LHFPL6: variants seen among roughly 807,000 people sequenced by gnomAD.
The protein encoded by LHFPL6 is LHFPL tetraspan subfamily member 6 protein.
In LHFPL6, 9 loss-of-function variants were observed where a neutral mutation model predicts 20.6. The observed-to-expected ratio is 0.44, with a 90% CI of 0.26 to 0.76. The LOEUF is 0.76. Ranked by LOEUF, LHFPL6 falls within the 30% of genes least tolerant of loss-of-function variation. LHFPL6 has a pLI of 0.20. For missense variants in LHFPL6, 218 were observed against 253.5 expected (o/e 0.86, Z 0.95); for synonymous variants, 105 against 98.7 (o/e 1.06, Z -0.38).
chr13:39,364,418 C>A (rs999650588), intron 3 of LHFPL6, among the ~76,000 whole-genome samples: 1 of 152,164 alleles, frequency 6.6e-6, no homozygotes, highest in African/African-American at 2.4e-5. Flanking sequence ...CCCTGTGTCA[C>A]CCCATCCTGA....
intron 2 of LHFPL6, among the ~76,000 whole-genome samples, chr13:39,526,573 C>A (rs1870293864): frequency 6.6e-6 from 1 of 152,238 alleles, no homozygotes; most frequent in Admixed American, 6.5e-5. Flanking sequence ...TTCCACCGGT[C>A]TAGTGCTCTG....
At chr13:39,559,122 C>T (rs1439942271) in intron 2 of LHFPL6, among the ~76,000 whole-genome samples, 6 of 152,278 alleles carry the variant, frequency 3.9e-5, no homozygotes, top group South Asian at 2.1e-4. Flanking sequence ...AGACAGCTGG[C>T]GGAAGTCTCA....
At chr13:39,527,078 G>C (rs541403634) in intron 2 of LHFPL6, among the ~76,000 whole-genome samples, 2 of 152,162 alleles carry the variant, frequency 1.3e-5, no homozygotes, top group South Asian at 4.1e-4. Flanking sequence ...GTCTCTGTAA[G>C]TGCTGGTACT....
intron 2 of LHFPL6, among the ~76,000 whole-genome samples, chr13:39,485,041 C>A (rs1219400322): frequency 6.6e-6 from 1 of 152,082 alleles, no homozygotes; most frequent in African/African-American, 2.4e-5. Flanking sequence ...TTTTCTATGG[C>A]CTAGTTTCAA....
intron 2 of LHFPL6, among the ~76,000 whole-genome samples, chr13:39,479,489 T>C (rs1039604661): frequency 2.0e-5 from 3 of 151,890 alleles, no homozygotes; most frequent in African/African-American, 7.3e-5. Context: ...GTGATAACAA[T>C]GTGAAACAAA....
chr13:39,427,179 C>T (rs1400574719), intron 2 of LHFPL6, among the ~76,000 whole-genome samples: 1 of 151,462 alleles, frequency 6.6e-6, no homozygotes, highest in Non-Finnish European at 1.5e-5. Flanking sequence ...GTTCAAGAAG[C>T]TTCTTTGAGG....
intron 2 of LHFPL6, among the ~76,000 whole-genome samples, chr13:39,589,252 G>A (rs942579790): frequency 2.0e-5 from 3 of 151,966 alleles, no homozygotes; most frequent in Non-Finnish European, 2.9e-5. Flanking sequence ...GATTACAGGC[G>A]CATGCCACCA....
At chr13:39,574,221 G>A (rs1379738420) in intron 2 of LHFPL6, among the ~76,000 whole-genome samples, 10 of 152,150 alleles carry the variant, frequency 6.6e-5, no homozygotes, top group Admixed American at 1.3e-4. Flanking sequence ...GGTGGCTCAC[G>A]CCTGTAATCC....
intron 2 of LHFPL6, among the ~76,000 whole-genome samples, chr13:39,490,242 T>C (rs1389814332): frequency 1.3e-5 from 2 of 152,162 alleles, no homozygotes; most frequent in Non-Finnish European, 2.9e-5. Flanking sequence ...TTCCAAAACA[T>C]GCAGGAATTG....
At chr13:39,553,988 C>T (rs1010045296) in intron 2 of LHFPL6, among the ~76,000 whole-genome samples, 1 of 152,226 alleles carries the variant, frequency 6.6e-6, no homozygotes, top group Non-Finnish European at 1.5e-5. Context: ...ATATGGTTGT[C>T]GTTTTAAGCT....
chr13:39,517,095 G>T (rs1869948339), intron 2 of LHFPL6, among the ~76,000 whole-genome samples: 1 of 152,128 alleles, frequency 6.6e-6, no homozygotes, highest in South Asian at 2.1e-4. Context: ...ACCCACCATG[G>T]TACTAAAGGG....
Position 39,600,827 on chromosome 13 carries a change from C to T in LHFPL6, c.385+5G>A. The T allele has an allele frequency of 6.8e-7, 1 of 1,481,276 alleles. No individual in the cohort carries two copies. The highest frequency in any genetic ancestry group is 9.0e-7 in the Non-Finnish European group (1 of 1,112,178). 91.8% of individuals were successfully genotyped at this position (1,481,276 alleles called of 1,614,324 possible). On this transcript the variant is annotated splice_donor_5th_base_variant and intron_variant, in intron 2 of 3. Transcript: ENST00000379589. ...TAAACAACTCAAGCTCAGCAAGTCA[C>T]TTACCCCCAAGAAACTGAATTCCTC... is the stretch of plus-strand genomic sequence containing the variant.
At chr13:39,572,311 T>A (rs1379897129) in intron 2 of LHFPL6, among the ~76,000 whole-genome samples, 1 of 151,834 alleles carries the variant, frequency 6.6e-6, no homozygotes. Context: ...TGTGTGTGTG[T>A]GTGTGTGTGT....
chr13:39,542,577 G>A (rs1870844616), intron 2 of LHFPL6, among the ~76,000 whole-genome samples: 1 of 152,164 alleles, frequency 6.6e-6, no homozygotes, highest in Non-Finnish European at 1.5e-5. Context: ...CCCTGACTTT[G>A]TAAGACTGTT....
At position 39,432,523 on chromosome 13, in the gene LHFPL6, C is replaced by T. The variant is rs114132465; in HGVS notation, c.386-53997G>A. On this transcript the variant is annotated intron_variant, in intron 2 of 3. Coordinates refer to ENST00000379589, the MANE Select transcript of LHFPL6 (RefSeq NM_005780.3). The stretch of plus-strand genomic sequence containing the variant: ...CTCTCCCTTCCTCTGCAGGGTCCAC[C>T]CCCTCTCCTATGTCATCTTTGTTCA... 1.8e-3 allele frequency among the ~76,000 whole-genome samples: 273 copies of T among 152,230 alleles called. 1 individual carries two copies. The highest frequency in any genetic ancestry group is 6.4e-3 in the African/African-American group (267 of 41,548).
chr13:39,599,557 A>G (rs944462004), intron 2 of LHFPL6, among the ~76,000 whole-genome samples: 1 of 152,234 alleles, frequency 6.6e-6, no homozygotes, highest in African/African-American at 2.4e-5. Context: ...GGGAGGGACT[A>G]AGGTGCAAAC....
At chr13:39,586,396 C>T (rs961988102) in intron 2 of LHFPL6, among the ~76,000 whole-genome samples, 2 of 152,112 alleles carry the variant, frequency 1.3e-5, no homozygotes, top group African/African-American at 2.4e-5. Flanking sequence ...CACATTGTAA[C>T]ACTGTATGAT....
chr13:39,558,297 C>T (rs1040590719), intron 2 of LHFPL6, among the ~76,000 whole-genome samples: 16 of 152,060 alleles, frequency 1.1e-4, no homozygotes, highest in Non-Finnish European at 1.3e-4. Flanking sequence ...TCCTGCCTCG[C>T]GGTAGGGAAC....
At chr13:39,439,930 T>A (rs1225120778) in intron 2 of LHFPL6, among the ~76,000 whole-genome samples, 1 of 152,226 alleles carries the variant, frequency 6.6e-6, no homozygotes, top group Non-Finnish European at 1.5e-5. Context: ...TTACCCAGTC[T>A]TAGGTGTTTC....
Sources: gnomAD v4.1 joint callset for allele counts (sites outside exome capture counted in the v4.1 genomes callset) on GRCh38, gnomAD v4.1.1 for gene constraint, MANE v1.5 for transcripts, NCBI Gene and HGNC (gene_info 2026-07-23, HGNC 2026-07-21) for gene names.